Variants in SLC25A43 observed in about 807,000 individuals in gnomAD.
SLC25A43 encodes the protein solute carrier family 25 member 43, also known as solute carrier family 25, member 43.
Under a neutral mutation model 22.8 loss-of-function variants are expected in SLC25A43, and 10 were observed. That is an observed-to-expected ratio of 0.44 (90% CI 0.27 to 0.74). The LOEUF (loss-of-function observed/expected upper bound fraction) is 0.74. SLC25A43 is among the 30% of genes least tolerant of loss of function. SLC25A43 has a pLI of 0.17. For missense variants in SLC25A43, 233 were observed against 279.1 expected (o/e 0.83, Z 1.18); for synonymous variants, 106 against 121.6 (o/e 0.87, Z 0.84).
At chrX:119,416,466 G>C (rs1021756578) in intron 3 of SLC25A43, among the ~76,000 whole-genome samples, 1 of 112,189 alleles carries the variant, frequency 8.9e-6, no homozygotes, top group African/African-American at 3.2e-5. Flanking sequence ...TGATCTGCCC[G>C]CTTTGGCCTC....
rs780253357 is a variant in SLC25A43 at position 119,445,038 on chromosome X, CAAAAAAAAAAAAAA to C, written c.691-6957_691-6944del. Among the ~76,000 whole-genome samples, 4 of 35,530 alleles carry C rather than the reference CAAAAAAAAAAAAAA, an allele frequency of 1.1e-4. 1 individual carries two copies. Among genetic ancestry groups the C allele is most frequent in the Admixed American group, 5.2e-4 (1 of 1,925 alleles). 30.9% of individuals were successfully genotyped at this position (35,530 alleles called of 115,157 possible). A position where few individuals can be genotyped will look rare whatever the true frequency, so the allele number is the denominator to read the frequency against. ...GGGTGACAGAGTAAGACCCTGTCTC[CAAAAAAAAAAAAAA>C]AAAAAAAAAAAAAGGAACTTGCTTA... On this transcript the variant is annotated intron_variant, in intron 3 of 4. Transcript: ENST00000217909.
At chrX:119,432,165 T>A (rs1453672625) in intron 3 of SLC25A43, among the ~76,000 whole-genome samples, 10 of 109,539 alleles carry the variant, frequency 9.1e-5, no homozygotes, top group Non-Finnish European at 1.9e-4. Context: ...AAGCCCCAAT[T>A]CAAACAGAAG....
intron 3 of SLC25A43, among the ~76,000 whole-genome samples, chrX:119,416,875 A>G (rs748197324): frequency 8.9e-6 from 1 of 112,587 alleles, no homozygotes; most frequent in South Asian, 3.7e-4. Context: ...CTAAACAAAC[A>G]AAAAAATAGT....
intron 3 of SLC25A43, among the ~76,000 whole-genome samples, chrX:119,429,674 C>T (rs1034871074): frequency 2.8e-4 from 31 of 111,601 alleles, no homozygotes; most frequent in Admixed American, 2.0e-3. Context: ...TACACATGAA[C>T]GAAATAATTA....
At chrX:119,433,111 AAAAG>A (rs1447883996) in intron 3 of SLC25A43, among the ~76,000 whole-genome samples, 5 of 111,945 alleles carry the variant, frequency 4.5e-5, no homozygotes, top group Admixed American at 1.9e-4. Flanking sequence ...AAATAAAAAT[AAAAG>A]AGAGAGGTAA....
intron 2 of SLC25A43, among the ~76,000 whole-genome samples, chrX:119,407,854 T>C (rs1388045884): frequency 9.0e-6 from 1 of 110,753 alleles, no homozygotes; most frequent in African/African-American, 3.3e-5. Flanking sequence ...TCACTTCAAC[T>C]TCTCCTCTCA....
chrX:119,410,508 C>A, intron 3 of SLC25A43, 146 bp downstream of exon 3: 1 of 607,146 alleles, frequency 1.6e-6, no homozygotes, highest in Non-Finnish European at 2.5e-6. Context: ...AACCCCCACT[C>A]TGTGGCATTT....
At chrX:119,426,559 A>G (rs1014360235) in intron 3 of SLC25A43, among the ~76,000 whole-genome samples, 2 of 111,844 alleles carry the variant, frequency 1.8e-5, no homozygotes, top group African/African-American at 6.5e-5. Context: ...GCGGCGACTC[A>G]CGCCTGTAAT....
chrX:119,406,851 A>G (rs999502832), intron 2 of SLC25A43, 150 bp downstream of exon 2: 2 of 702,152 alleles, frequency 2.8e-6, no homozygotes, highest in Non-Finnish European at 4.0e-6. Context: ...GCTTCATTCT[A>G]TTCCATAGCC....
rs1442759022 is a variant in SLC25A43 at position 119,453,087 on chromosome X, CACTG to C, written c.*29_*32del. 1 of 1,130,941 alleles carries C rather than the reference CACTG, an allele frequency of 8.8e-7. No individual in the cohort carries two copies. Among genetic ancestry groups the C allele is most frequent in the Non-Finnish European group, 1.2e-6 (1 of 822,999 alleles). The allele number at this position is 1,130,941 out of a possible 1,213,427, so 93.2% of individuals were successfully genotyped here. A position where few individuals can be genotyped will look rare whatever the true frequency, so the allele number is the denominator to read the frequency against. ...ATAAAATGGAATGGAACTAGAAGTG[CACTG>C]ACTGACAGCATGTTGCAATCACAGA... On this transcript the variant is annotated 3_prime_UTR_variant, in exon 5 of 5. Coordinates refer to ENST00000217909, the MANE Select transcript of SLC25A43 (RefSeq NM_145305.3).
At chrX:119,446,836 C>A (rs1223706362) in intron 3 of SLC25A43, among the ~76,000 whole-genome samples, 1 of 112,405 alleles carries the variant, frequency 8.9e-6, no homozygotes, top group East Asian at 2.8e-4. Flanking sequence ...ACCCAGTCCT[C>A]AGAGTTCACA....
At chrX:119,406,281 C>T (rs1421177800) in intron 1 of SLC25A43, among the ~76,000 whole-genome samples, 179 bp from the exon 2 acceptor site, 1 of 112,281 alleles carries the variant, frequency 8.9e-6, no homozygotes, top group Non-Finnish European at 1.9e-5. Context: ...AGCCAACTAG[C>T]ATCATATAAA....
chrX:119,448,256 A>G (rs921703030), intron 3 of SLC25A43, among the ~76,000 whole-genome samples: 1 of 111,321 alleles, frequency 9.0e-6, no homozygotes, highest in African/African-American at 3.3e-5. Flanking sequence ...TCTCTTGCCT[A>G]AATTACTCTA....
At chrX:119,407,789 A>G (rs2052311267) in intron 2 of SLC25A43, among the ~76,000 whole-genome samples, 1 of 110,798 alleles carries the variant, frequency 9.0e-6, no homozygotes, top group Non-Finnish European at 1.9e-5. Context: ...TCCCTAATGA[A>G]TGAGACTACC....
intron 3 of SLC25A43, among the ~76,000 whole-genome samples, chrX:119,426,635 C>T (rs2147277628): frequency 9.1e-6 from 1 of 110,442 alleles, no homozygotes; most frequent in African/African-American, 3.3e-5. Context: ...CCAGCCTGGC[C>T]AACACGACGA....
rs2052220384 is a variant in SLC25A43 at position 119,399,751 on chromosome X, G to A, written c.275+73G>A. 7.3e-6 allele frequency: 7 copies of A among 956,122 alleles called. No individual in the cohort carries two copies. The East Asian group carries it at 1.2e-4, about 17-fold the overall frequency. The allele number at this position is 956,122 out of a possible 1,213,427, so 78.8% of individuals were successfully genotyped here. On this transcript the variant is annotated intron_variant, in intron 1 of 4. Coordinates refer to ENST00000217909, the MANE Select transcript of SLC25A43 (RefSeq NM_145305.3). Reference sequence around the variant, plus strand: ...GGTGGGGGAGCCGCGGCCCGACGCCGCCCTGCTGCCTGGACTCGGGGCCCT... The same window carrying A: ...GGTGGGGGAGCCGCGGCCCGACGCCACCCTGCTGCCTGGACTCGGGGCCCT...
chrX:119,452,892 A>C lies in SLC25A43; in HGVS notation c.853A>C (p.Ser285Arg). The C allele has an allele frequency of 8.3e-7, 1 of 1,210,608 alleles. No homozygotes were observed. Among genetic ancestry groups the C allele is most frequent in the Non-Finnish European group, 1.1e-6 (1 of 894,601 alleles). The change falls in exon 5 of 5, where the codon AGC becomes CGC. Residue 285 changes from serine (S) to arginine (R), a missense_variant. Transcript: ENST00000217909. ...KIVPYFGIMFSTFEFCKRICL... is the reference protein window; with the variant it reads ...KIVPYFGIMFRTFEFCKRICL... The stretch of plus-strand genomic sequence containing the variant: ...AGTTCCATATTTTGGAATTATGTTT[A>C]GCACCTTTGAGTTCTGCAAGAGAAT...
At chrX:119,423,172 CTG>C (rs2147273338) in intron 3 of SLC25A43, 1 of 111,800 alleles carries the variant, frequency 8.9e-6, no homozygotes, top group African/African-American at 3.3e-5. Flanking sequence ...AGAGGGCCGA[CTG>C]TATTTATTGA....
At chrX:119,413,564 G>A in intron 3 of SLC25A43, among the ~76,000 whole-genome samples, 1 of 111,008 alleles carries the variant, frequency 9.0e-6, no homozygotes, top group East Asian at 2.8e-4. Flanking sequence ...AAAATTAGCT[G>A]GTCATGGTGG....
Sources: allele counts gnomAD v4.1 joint callset (sites outside exome capture counted in the v4.1 genomes callset), GRCh38; gene constraint gnomAD v4.1.1; transcripts MANE v1.5; gene names NCBI Gene and HGNC (gene_info 2026-07-23, HGNC 2026-07-21).